The following ANK3 variants were observed in gnomAD, a reference collection of about 807,000 sequenced individuals.
ANK3 encodes ankyrin-3.
A neutral mutation model predicts 370.9 loss-of-function variants in ANK3; 57 were observed. The observed-to-expected ratio is 0.15, with a 90% CI of 0.12 to 0.19. The LOEUF (loss-of-function observed/expected upper bound fraction) is 0.19. Ranked by LOEUF, ANK3 falls within the 10% of genes least tolerant of loss-of-function variation. The probability of loss-of-function intolerance (pLI) is 1.00; values close to 1 mark genes in which losing one functional copy is unlikely to be tolerated. For missense variants in ANK3, 4,439 were observed against 5,302.1 expected (o/e 0.84, Z 5.06); for synonymous variants, 1,929 against 1,946.3 (o/e 0.99, Z 0.23).
intron 2 of ANK3, among the ~76,000 whole-genome samples, chr10:60,504,716 A>G (rs1236489189): frequency 6.6e-6 from 1 of 152,210 alleles, no homozygotes; most frequent in East Asian, 1.9e-4. Flanking sequence ...AAATACAACT[A>G]GGATGAAATA....
chr10:60,646,795 A>G (rs1319985045), intron 1 of ANK3, among the ~76,000 whole-genome samples: 2 of 152,184 alleles, frequency 1.3e-5, no homozygotes, highest in Admixed American at 6.5e-5. Flanking sequence ...GAATGCTATA[A>G]GCCAAGAGAC....
At chr10:60,722,398 C>T (rs1041943583) in intron 1 of ANK3, among the ~76,000 whole-genome samples, 18 of 151,784 alleles carry the variant, frequency 1.2e-4, no homozygotes, top group Admixed American at 4.6e-4. Context: ...GAGCTATGAT[C>T]GCACCACTGC....
intron 25 of ANK3, among the ~76,000 whole-genome samples, chr10:60,117,579 G>A (rs1312541072): frequency 1.3e-5 from 2 of 152,190 alleles, no homozygotes; most frequent in Admixed American, 1.3e-4. Flanking sequence ...CACTTTGGGA[G>A]GCTGAGGCAG....
intron 31 of ANK3, 64 bp from the exon 32 acceptor site, chr10:60,084,894 C>G: frequency 1.6e-6 from 2 of 1,232,220 alleles, no homozygotes; most frequent in Non-Finnish European, 2.2e-6. Flanking sequence ...CTTAAAAAGA[C>G]TCACAATTAA....
At chr10:60,060,475 C>T (rs999552775) in intron 40 of ANK3, 1 of 152,266 alleles carries the variant, frequency 6.6e-6, no homozygotes, top group Non-Finnish European at 1.5e-5. Context: ...TATTAATTAC[C>T]TACAACTTAT....
At chr10:60,091,523 CAGGGAG>C (rs1444433569) in intron 28 of ANK3, among the ~76,000 whole-genome samples, 1 of 71,660 alleles carries the variant, frequency 1.4e-5, no homozygotes, top group African/African-American at 5.5e-5. Context: ...AGAATGTGAC[CAGGGAG>C]GGTGGGGGTG....
At position 60,028,220 on chromosome 10, in the gene ANK3, T is replaced by A. The variant is rs564569660; in HGVS notation, c.*1626A>T. The A allele has an allele frequency of 4.6e-5, 7 of 152,498 alleles. No individual in the cohort carries two copies. The highest frequency in any genetic ancestry group is 2.0e-4 in the Admixed American group (3 of 15,300). The allele number at this position is 152,498 out of a possible 1,614,324, so 9.4% of individuals were successfully genotyped here. ...TAATCTTTAATTCTTGGCTCCCCCA[T>A]GAAATGCACAGAATTTATAAGCTGG... On this transcript the variant is annotated 3_prime_UTR_variant, in exon 44 of 44. Coordinates refer to ENST00000280772, the MANE Select transcript of ANK3 (RefSeq NM_020987.5).
intron 2 of ANK3, among the ~76,000 whole-genome samples, chr10:60,501,967 G>A (rs1484934907): frequency 6.6e-6 from 1 of 152,064 alleles, no homozygotes; most frequent in Admixed American, 6.6e-5. Context: ...TAGCCTGGGT[G>A]ACAGGGTGAG....
At chr10:60,236,760 T>C (rs2097340387) in intron 7 of ANK3, among the ~76,000 whole-genome samples, 1 of 152,196 alleles carries the variant, frequency 6.6e-6, no homozygotes, top group Middle Eastern at 3.2e-3. Context: ...AAATTTCTCT[T>C]AGTAATGCTG....
At position 60,069,290 on chromosome 10, in the gene ANK3, T is replaced by C. The variant is rs1564750733; in HGVS notation, c.11591A>G (p.Lys3864Arg). The C allele has an allele frequency of 1.2e-6, 2 of 1,614,188 alleles. No homozygotes were observed. The highest frequency in any genetic ancestry group is 8.5e-7 in the Non-Finnish European group (1 of 1,180,020). Residue 3864 changes from lysine (K) to arginine (R), a missense_variant, in exon 37 of 44, where the codon AAA becomes AGA. Lys to Arg is a conservative substitution (Grantham distance 26, BLOSUM62 2). This residue lies in a region of ANK3 where 496 missense variants were observed against 529.3 expected (regional missense o/e 0.94). Coordinates refer to ENST00000280772, the MANE Select transcript of ANK3 (RefSeq NM_020987.5). ...TGGTGAAGTGGCCTTTATGGGAAGT[T>C]TGGATTTTTGCCTAATCCCTATCAA... ...KELIGIRQKS[K>R]LPIKATSPKD... is the part of the protein sequence containing the mutation.
At chr10:60,691,569 G>A (rs571114000) in intron 1 of ANK3, among the ~76,000 whole-genome samples, 1 of 152,252 alleles carries the variant, frequency 6.6e-6, no homozygotes, top group African/African-American at 2.4e-5. Context: ...TTTCTTAAAG[G>A]ACATTTTGCC....
chr10:60,667,179 TATATC>T (rs1369822513), intron 1 of ANK3, among the ~76,000 whole-genome samples: 26 of 71,616 alleles, frequency 3.6e-4, no homozygotes, highest in South Asian at 6.9e-4. Context: ...TATATTATAT[TATATC>T]ATATTATATT....
rs200085654 is a variant in ANK3, at chr10:60,063,242, G to C, written c.12464C>G (p.Thr4155Ser). Residue 4155 changes from threonine to serine, a missense_variant, in exon 40 of 44, where the codon ACT becomes AGT. Thr to Ser is a moderately conservative substitution (Grantham distance 58). Transcript: ENST00000280772. ...TCGATTAATTTTTGTCAAGACCGAAGTTAAGGCATCAGCTGAAAAGGAGAA... is the reference window on the plus strand; with the variant it reads ...TCGATTAATTTTTGTCAAGACCGAACTTAAGGCATCAGCTGAAAAGGAGAA... ...DGKNATTDAL[T>S]SVLTKINRID... is the part of the protein sequence containing the mutation. 21 of 1,607,022 alleles carry C rather than the reference G, an allele frequency of 1.3e-5. No individual in the cohort carries two copies. Among genetic ancestry groups the C allele is most frequent in the Non-Finnish European group, 1.5e-5 (18 of 1,177,610 alleles).
chr10:60,267,640 A>C (rs2097901498), intron 5 of ANK3, among the ~76,000 whole-genome samples: 2 of 152,190 alleles, frequency 1.3e-5, no homozygotes, highest in African/African-American at 2.4e-5. Context: ...AAACTTTAAA[A>C]AGTACTAGAG....
chr10:60,240,165 CATAT>C (rs1185317188), intron 7 of ANK3, among the ~76,000 whole-genome samples: 1 of 130,098 alleles, frequency 7.7e-6, no homozygotes. Flanking sequence ...CATATATACA[CATAT>C]ATATACATAT....
intron 1 of ANK3, among the ~76,000 whole-genome samples, chr10:60,378,327 A>C (rs1368414613): frequency 6.6e-6 from 1 of 152,222 alleles, no homozygotes; most frequent in Admixed American, 6.5e-5. Flanking sequence ...AGATATTTAA[A>C]GCCAGCTTTT....
intron 2 of ANK3, among the ~76,000 whole-genome samples, chr10:60,614,270 T>C (rs932514174): frequency 6.6e-6 from 1 of 152,136 alleles, no homozygotes; most frequent in African/African-American, 2.4e-5. Flanking sequence ...GTAAAATATA[T>C]ACATATGAAT....
intron 2 of ANK3, among the ~76,000 whole-genome samples, chr10:60,476,732 G>A (rs996646684): frequency 6.6e-6 from 1 of 152,084 alleles, no homozygotes; most frequent in Admixed American, 6.6e-5. Context: ...CCAAAACTCT[G>A]GCTCTGTTAT....
chr10:60,554,418 G>A (rs1006817366), intron 2 of ANK3, among the ~76,000 whole-genome samples: 2 of 152,094 alleles, frequency 1.3e-5, no homozygotes, highest in African/African-American at 4.8e-5. Context: ...CTCAAGGAAC[G>A]AGCCTATAGT....
Sources: gnomAD v4.1 joint callset for allele counts (sites outside exome capture counted in the v4.1 genomes callset) on GRCh38, gnomAD v4.1.1 for gene constraint, gnomAD v4.1.1 regional missense constraint, MANE v1.5 for transcripts, NCBI Gene and HGNC (gene_info 2026-07-23, HGNC 2026-07-21) for gene names.